The following TNXB variants were observed in gnomAD, a reference collection of about 807,000 sequenced individuals.
The protein encoded by TNXB is tenascin XB.
TNXB carries 183 observed loss-of-function variants against 340.5 expected under a neutral mutation model. The ratio of observed to expected loss-of-function variants is 0.54; its 90% CI spans 0.48 to 0.61. The LOEUF is 0.61. Ranked by LOEUF, TNXB falls within the 20% of genes least tolerant of loss-of-function variation. TNXB has a pLI of 0.00. For missense variants in TNXB, 4,613 were observed against 5,446.4 expected (o/e 0.85, Z 4.82); for synonymous variants, 2,121 against 2,314.5 (o/e 0.92, Z 2.40).
Position 32,085,957 on chromosome 6 carries a change from A to T in TNXB, c.2941T>A (p.Trp981Arg). 6.2e-7 allele frequency: 1 copy of T among 1,608,186 alleles called. No homozygotes were observed. The highest frequency in any genetic ancestry group is 1.1e-5 in the South Asian group (1 of 90,154). The change falls in exon 7 of 44, where the codon TGG becomes AGG. Residue 981 changes from tryptophan (W) to arginine (R), a missense_variant. Transcript: ENST00000644971. The surrounding 1 kb of genome is among the most constrained non-coding windows in gnomAD (Gnocchi z 6.4). ...RDETGRLRVV[W>R]TAQPDTFAYF... ...GCAAAGGTGTCAGGCTGGGCGGTCC[A>T]GACCACACGGAGGCGCCCTGTCTCA...
intron 39 of TNXB, 28 bp downstream of exon 39, chr6:32,042,671 C>T (rs1776520469): frequency 2.2e-6 from 3 of 1,334,460 alleles, no homozygotes; most frequent in African/African-American, 1.7e-5. Flanking sequence ...CACCCAGCCC[C>T]CGGCCCCGGG....
At chr6:32,094,544 G>T (rs1182582659) in intron 4 of TNXB, among the ~76,000 whole-genome samples, 1 of 152,144 alleles carries the variant, frequency 6.6e-6, no homozygotes, top group Non-Finnish European at 1.5e-5. Context: ...CCCACATTTT[G>T]GGGGCACATG....
In TNXB at chr6:32,046,227, G is replaced by A. The variant is rs115065067; in HGVS notation, c.10554C>T (p.Tyr3518=). The part of the protein sequence containing the change: ...EPGKKYKFLL[Y]GLLGGKRLGP... Reference sequence around the variant, plus strand: ...CCAGGCGCTTTCCCCCAAGGAGCCCGTAGAGCAGAAACTTGTATTTCTTGC... The same window carrying A: ...CCAGGCGCTTTCCCCCAAGGAGCCCATAGAGCAGAAACTTGTATTTCTTGC... Residue 3518 remains tyrosine (Y), a synonymous_variant, in exon 31 of 44, where the codon TAC becomes TAT. Transcript: ENST00000644971. This position sits in a 1 kb window ranked among gnomAD's most constrained non-coding sequence, Gnocchi z 6.9. The A allele has an allele frequency of 1.3e-3, 2,083 of 1,602,520 alleles. 21 individuals carry two copies. In the African/African-American group the frequency reaches 0.024, roughly 18 times the overall value.
At chr6:32,078,447 C>CAAAAAAAAAAAAAAAAA (rs755788673) in intron 11 of TNXB, 1 of 57,226 alleles carries the variant, frequency 1.7e-5, no homozygotes, top group Non-Finnish European at 3.3e-5. Context: ...GACTCTGTCT[C>CAAAAAAAAAAAAAAAAA]AAAAAAAAAA....
chr6:32,098,356 A>C, intron 1 of TNXB, 150 bp from the exon 2 acceptor site: 4 of 590,426 alleles, frequency 6.8e-6, no homozygotes, highest in Non-Finnish European at 1.1e-5. Flanking sequence ...CCCAACCCTA[A>C]AGGATACCCT....
intron 4 of TNXB, chr6:32,093,255 G>A: frequency 1.5e-6 from 1 of 659,198 alleles, no homozygotes; most frequent in Non-Finnish European, 2.8e-6. Flanking sequence ...TTGTTTTAGT[G>A]AGGAGCAGCC....
rs2151913248 is a variant in TNXB, at chr6:32,067,442, T to G, written c.6544+219A>C. 6.6e-6 allele frequency among the ~76,000 whole-genome samples: 1 copy of G among 152,298 alleles called. No homozygotes were observed. Among genetic ancestry groups the G allele is most frequent in the Admixed American group, 6.5e-5 (1 of 15,300 alleles). ...GCCACAAACCAGCCAGTGAATCACC[T>G]CCCAAGAGGCCTCAGTCCCTGGGGG... On this transcript the variant is annotated intron_variant, in intron 18 of 43. Coordinates refer to ENST00000644971, the MANE Select transcript of TNXB (RefSeq NM_001365276.2). The surrounding 1 kb of genome is among the most constrained non-coding windows in gnomAD (Gnocchi z 4.2).
At chr6:32,095,246 C>T in intron 3 of TNXB, 55 bp from the exon 4 acceptor site, 2 of 1,344,176 alleles carry the variant, frequency 1.5e-6, no homozygotes, top group Non-Finnish European at 2.1e-6. Context: ...ACCACCCCCA[C>T]CCACAGCCCC....
chr6:32,047,585 T>G lies in TNXB; in HGVS notation c.10324+149A>C. ...AAGTAATGCATATGCTTCAGAACTG[T>G]GCCTGACACACAGAGGGACTCACTT... is the stretch of plus-strand genomic sequence containing the variant. On this transcript the variant is annotated intron_variant, in intron 30 of 43. Transcript: ENST00000644971. This position sits in a 1 kb window ranked among gnomAD's most constrained non-coding sequence, Gnocchi z 6.2. 1 of 878,580 alleles carries G rather than the reference T, an allele frequency of 1.1e-6. No homozygotes were observed. The highest frequency in any genetic ancestry group is 1.7e-6 in the Non-Finnish European group (1 of 598,944). The allele number at this position is 878,580 out of a possible 1,614,324, so 54.4% of individuals were successfully genotyped here.
In TNXB at chr6:32,090,270, T is replaced by G. The variant is rs1489535888; in HGVS notation, c.2359-891A>C. Among the ~76,000 whole-genome samples, 3 of 152,212 alleles carry G rather than the reference T, an allele frequency of 2.0e-5. No homozygotes were observed. The highest frequency in any genetic ancestry group is 4.4e-5 in the Non-Finnish European group (3 of 68,040). On this transcript the variant is annotated intron_variant, in intron 4 of 43. Coordinates refer to ENST00000644971, the MANE Select transcript of TNXB (RefSeq NM_001365276.2). The surrounding 1 kb of genome is among the most constrained non-coding windows in gnomAD (Gnocchi z 4.3). ...AATATATGAGATACTTACAACAATC[T>G]CTATGCTTAGCAAATGCTTGTGAGA... is the stretch of plus-strand genomic sequence containing the variant.
rs1001374809 is a variant in TNXB at position 32,058,604 on chromosome 6, A to G, written c.7493-214T>C. ...GTACTGCTGGCAGAGCTGCACTGTTAGAAACCTCCAGAAGGCAACTGAGAC... is the reference window on the plus strand; with the variant it reads ...GTACTGCTGGCAGAGCTGCACTGTTGGAAACCTCCAGAAGGCAACTGAGAC... On this transcript the variant is annotated intron_variant, in intron 21 of 43. Transcript: ENST00000644971. This position sits in a 1 kb window ranked among gnomAD's most constrained non-coding sequence, Gnocchi z 5.1. Among the ~76,000 whole-genome samples, 3 of 151,876 alleles carry G rather than the reference A, an allele frequency of 2.0e-5. No individual in the cohort carries two copies. Among genetic ancestry groups the G allele is most frequent in the African/African-American group, 7.3e-5 (3 of 41,138 alleles).
intron 24 of TNXB, among the ~76,000 whole-genome samples, chr6:32,055,604 G>C (rs894693889): frequency 1.3e-5 from 2 of 152,146 alleles, no homozygotes; most frequent in African/African-American, 4.8e-5. Flanking sequence ...CAATTCCTTT[G>C]TCGTGAAGAA....
Position 32,072,444 on chromosome 6 carries a change from TC to T in TNXB, c.4682-147del. On this transcript the variant is annotated intron_variant, in intron 12 of 43. Coordinates refer to ENST00000644971, the MANE Select transcript of TNXB (RefSeq NM_001365276.2). This position sits in a 1 kb window ranked among gnomAD's most constrained non-coding sequence, Gnocchi z 4.4. ...CTCTAACTGAAATGCAGCATTTCTT[TC>T]CAAAACTAATATAGAAAACCCACCA... 1.6e-6 allele frequency: 1 copy of T among 625,366 alleles called. No individual in the cohort carries two copies. The highest frequency in any genetic ancestry group is 2.5e-6 in the Non-Finnish European group (1 of 396,096). 38.7% of individuals were successfully genotyped at this position (625,366 alleles called of 1,614,324 possible).
In TNXB at chr6:32,068,654, T is replaced by G. The variant is rs201365475; in HGVS notation, c.5956A>C (p.Ile1986Leu). The change falls in exon 17 of 44, where the codon ATC (isoleucine) becomes CTC (leucine). Residue 1986 changes from isoleucine (I) to leucine (L), a missense_variant. Around this residue, in one of 7 missense-constraint regions of TNXB, gnomAD observed 4,327 missense variants for 4,859.4 expected, o/e 0.89. Coordinates refer to ENST00000644971, the MANE Select transcript of TNXB (RefSeq NM_001365276.2). This position sits in a 1 kb window ranked among gnomAD's most constrained non-coding sequence, Gnocchi z 5.3. ...EPPTATPEPPIKPRLGELTVT... is the reference protein window; with the variant it reads ...EPPTATPEPPLKPRLGELTVT... ...GTCAGCTCCCCCAGGCGAGGCTTGA[T>G]GGGGGGCTCGGGGGTTGCGGTGGGA... 1 of 1,613,448 alleles carries G rather than the reference T, an allele frequency of 6.2e-7. No individual in the cohort carries two copies. The highest frequency in any genetic ancestry group is 8.5e-7 in the Non-Finnish European group (1 of 1,179,740).
Position 32,085,643 on chromosome 6 carries a change from C to T in TNXB, c.3148+107G>A. 2 of 1,316,538 alleles carry T rather than the reference C, an allele frequency of 1.5e-6. No homozygotes were observed. The allele number at this position is 1,316,538 out of a possible 1,614,324, so 81.6% of individuals were successfully genotyped here. On this transcript the variant is annotated intron_variant, in intron 7 of 43. Coordinates refer to ENST00000644971, the MANE Select transcript of TNXB (RefSeq NM_001365276.2). This position sits in a 1 kb window ranked among gnomAD's most constrained non-coding sequence, Gnocchi z 6.4. ...CCTCTATCCAGCCCCAAACATCAGC[C>T]CTGCCCTTCACTGGCCCCTCAATAT...
intron 3 of TNXB, 55 bp downstream of exon 3, chr6:32,095,556 C>A: frequency 6.4e-7 from 1 of 1,565,974 alleles, no homozygotes; most frequent in Non-Finnish European, 8.7e-7. Flanking sequence ...TTCCCCATGG[C>A]TCCTGTTCAC....
At position 32,087,015 on chromosome 6, in the gene TNXB, C is replaced by G. The variant is rs191343462; in HGVS notation, c.2780-897G>C. Among the ~76,000 whole-genome samples the G allele has an allele frequency of 6.6e-6, 1 of 152,232 alleles. No individual in the cohort carries two copies. Among genetic ancestry groups the G allele is most frequent in the Non-Finnish European group, 1.5e-5 (1 of 68,044 alleles). On this transcript the variant is annotated intron_variant, in intron 6 of 43. Coordinates refer to ENST00000644971, the MANE Select transcript of TNXB (RefSeq NM_001365276.2). This position sits in a 1 kb window ranked among gnomAD's most constrained non-coding sequence, Gnocchi z 9.0. ...GTCCCGGGAAACCCCAAAGAAGGCG[C>G]TGCCTTGACCTTAGGCATCCACAGG...
In TNXB at chr6:32,053,453, T is replaced by C. The variant is rs372398179; in HGVS notation, c.8726A>G (p.Lys2909Arg). Residue 2909 changes from lysine (K) to arginine (R), a missense_variant, in exon 25 of 44, where the codon AAG becomes AGG. This residue lies in a region of TNXB where 4,327 missense variants were observed against 4,859.4 expected (regional missense o/e 0.89). Coordinates refer to ENST00000644971, the MANE Select transcript of TNXB (RefSeq NM_001365276.2). ...ACCGTGGAAGCCGTACAGGTTCATC[T>C]TGTACTTGTGGTCTGGCTCCAGGCC... Reference protein sequence around the residue: ...ISGLEPDHKYKMNLYGFHGGQ... With the variant: ...ISGLEPDHKYRMNLYGFHGGQ... The C allele has an allele frequency of 3.2e-5, 52 of 1,613,132 alleles. No individual in the cohort carries two copies. Among genetic ancestry groups the C allele is most frequent in the African/African-American group, 9.3e-5 (7 of 74,908 alleles).
Position 32,097,498 on chromosome 6 carries a change from G to A in TNXB, c.404-49C>T. On this transcript the variant is annotated intron_variant, in intron 2 of 43. Transcript: ENST00000644971. This position sits in a 1 kb window ranked among gnomAD's most constrained non-coding sequence, Gnocchi z 5.9. ...GTCTCAGTCTCTCTCCTGGGAGAGA[G>A]GCTGAGCCTATGTAGTGCTCCTATG... 6.4e-7 allele frequency: 1 copy of A among 1,554,766 alleles called. No homozygotes were observed. Among genetic ancestry groups the A allele is most frequent in the Non-Finnish European group, 8.7e-7 (1 of 1,153,802 alleles).
Sources: allele counts gnomAD v4.1 joint callset (sites outside exome capture counted in the v4.1 genomes callset), GRCh38; gene constraint gnomAD v4.1.1; regional missense constraint gnomAD v4.1.1; non-coding constraint Gnocchi (gnomAD v3.1); transcripts MANE v1.5; gene names NCBI Gene and HGNC (gene_info 2026-07-23, HGNC 2026-07-21).